Variants in IQGAP2 observed in about 807,000 individuals in gnomAD.
IQGAP2 encodes the protein ras GTPase-activating-like protein IQGAP2.
IQGAP2 carries 173 observed loss-of-function variants against 201.3 expected under a neutral mutation model. That is an observed-to-expected ratio of 0.86 (90% CI 0.76 to 0.98). The LOEUF is 0.98. IQGAP2 is among the 50% of genes least tolerant of loss of function. The probability of loss-of-function intolerance (pLI) is 0.00; values close to 1 mark genes in which losing one functional copy is unlikely to be tolerated. For missense variants in IQGAP2, 1,687 were observed against 1,864.8 expected (o/e 0.90, Z 1.76); for synonymous variants, 675 against 673.9 (o/e 1.00, Z -0.03).
At chr5:76,407,547 CT>C (rs1750864929) in intron 1 of IQGAP2, among the ~76,000 whole-genome samples, 1 of 152,234 alleles carries the variant, frequency 6.6e-6, no homozygotes, top group South Asian at 2.1e-4. Flanking sequence ...TCTTGAGATA[CT>C]GTCTTCAGTA....
intron 26 of IQGAP2, 44 bp downstream of exon 26, chr5:76,674,080 A>G (rs757272122): frequency 1.9e-6 from 2 of 1,044,090 alleles, no homozygotes; most frequent in East Asian, 2.4e-5. Flanking sequence ...TCCTGGGGGT[A>G]TGAATCAAAA....
chr5:76,436,864 T>C lies in IQGAP2; in HGVS notation c.47-24706T>C, dbSNP rs1752737408. 2.0e-5 allele frequency among the ~76,000 whole-genome samples: 3 copies of C among 151,874 alleles called. No homozygotes were observed. The South Asian group carries it at 6.2e-4, about 32-fold the overall frequency. The stretch of plus-strand genomic sequence containing the variant: ...TTTGTATTTAATTCTGTTTATGTGA[T>C]GTATTGACTTATGTATGTTAAACAT... On this transcript the variant is annotated intron_variant, in intron 1 of 35. Coordinates refer to ENST00000274364, the MANE Select transcript of IQGAP2 (RefSeq NM_006633.5).
chr5:76,661,441 A>G (rs1421310227), intron 21 of IQGAP2, among the ~76,000 whole-genome samples: 1 of 152,230 alleles, frequency 6.6e-6, no homozygotes, highest in African/African-American at 2.4e-5. Flanking sequence ...ACTGAAGCTA[A>G]TCTAAAACTA....
At chr5:76,595,915 T>A (rs1747003985) in intron 9 of IQGAP2, among the ~76,000 whole-genome samples, 1 of 152,186 alleles carries the variant, frequency 6.6e-6, no homozygotes, top group African/African-American at 2.4e-5. Flanking sequence ...GAGATACAGC[T>A]GAAAGGCCTT....
intron 1 of IQGAP2, among the ~76,000 whole-genome samples, chr5:76,455,883 A>C (rs184236638): frequency 8.5e-5 from 13 of 152,224 alleles, no homozygotes; most frequent in Non-Finnish European, 1.5e-4. Context: ...AGTCGCTTAC[A>C]GCCTTGTCTA....
At chr5:76,485,680 G>GT (rs1355265299) in intron 2 of IQGAP2, among the ~76,000 whole-genome samples, 2 of 152,162 alleles carry the variant, frequency 1.3e-5, no homozygotes, top group African/African-American at 4.8e-5. Flanking sequence ...CCAGAGTTGG[G>GT]TGTCAGAGCT....
chr5:76,590,938 A>G (rs1289274090), intron 8 of IQGAP2, among the ~76,000 whole-genome samples: 1 of 152,038 alleles, frequency 6.6e-6, no homozygotes, highest in East Asian at 1.9e-4. Flanking sequence ...ATAAAAATAA[A>G]AATAAAAAAT....
chr5:76,407,181 A>G (rs751819743), intron 1 of IQGAP2, among the ~76,000 whole-genome samples: 1 of 151,912 alleles, frequency 6.6e-6, no homozygotes, highest in African/African-American at 2.4e-5. Context: ...GGTTTTCACC[A>G]TGTTGCCCAG....
At chr5:76,706,172 T>A (rs1747873854) in intron 35 of IQGAP2, among the ~76,000 whole-genome samples, 2 of 152,208 alleles carry the variant, frequency 1.3e-5, no homozygotes, top group South Asian at 4.1e-4. Context: ...TACATGCTTC[T>A]GCTATTGTAC....
intron 5 of IQGAP2, among the ~76,000 whole-genome samples, chr5:76,577,992 T>C (rs1055194154): frequency 5.9e-5 from 9 of 152,310 alleles, no homozygotes; most frequent in African/African-American, 1.7e-4. Context: ...CCCCAGCCTG[T>C]GGGCCTGACT....
rs555356994 is a variant in IQGAP2 at position 76,415,178 on chromosome 5, T to G, written c.46+11587T>G. Among the ~76,000 whole-genome samples, 7 of 152,248 alleles carry G rather than the reference T, an allele frequency of 4.6e-5. No homozygotes were observed. In the East Asian group the frequency reaches 1.3e-3, roughly 29 times the overall value. On this transcript the variant is annotated intron_variant, in intron 1 of 35. Transcript: ENST00000274364. ...TATGCCGTATTACCCTTTGAAAAAA[T>G]AAAGCAAATGTGTGTTTTGGAAAAA...
chr5:76,415,838 C>T (rs944308728), intron 1 of IQGAP2, among the ~76,000 whole-genome samples: 7 of 151,590 alleles, frequency 4.6e-5, no homozygotes, highest in Admixed American at 2.0e-4. Context: ...CCAGCTACTC[C>T]GGAGGCTTAG....
intron 21 of IQGAP2, among the ~76,000 whole-genome samples, chr5:76,663,444 G>C (rs925291379): frequency 1.3e-5 from 2 of 148,650 alleles, no homozygotes; most frequent in African/African-American, 4.9e-5. Flanking sequence ...TAAGTGGCAG[G>C]GGAGGTGTTC....
chr5:76,553,405 G>A (rs1456856143), intron 2 of IQGAP2, among the ~76,000 whole-genome samples: 1 of 152,160 alleles, frequency 6.6e-6, no homozygotes, highest in Non-Finnish European at 1.5e-5. Context: ...ACATTTTTCT[G>A]TTCTTGGCCA....
At chr5:76,611,519 G>A (rs1371870121) in intron 13 of IQGAP2, among the ~76,000 whole-genome samples, 9 of 152,148 alleles carry the variant, frequency 5.9e-5, no homozygotes, top group Non-Finnish European at 1.2e-4. Context: ...GGGATACAGA[G>A]GGACACATAA....
intron 2 of IQGAP2, among the ~76,000 whole-genome samples, chr5:76,527,693 A>C (rs1759051252): frequency 6.6e-6 from 1 of 152,240 alleles, no homozygotes; most frequent in South Asian, 2.1e-4. Flanking sequence ...GTGATCATTT[A>C]TAGTGACTAA....
At chr5:76,438,651 C>G (rs986865848) in intron 1 of IQGAP2, among the ~76,000 whole-genome samples, 2 of 152,034 alleles carry the variant, frequency 1.3e-5, no homozygotes, top group African/African-American at 4.8e-5. Context: ...CCATGTTGGC[C>G]AGGATGGTCT....
At chr5:76,474,799 G>A (rs1435941082) in intron 2 of IQGAP2, among the ~76,000 whole-genome samples, 5 of 152,100 alleles carry the variant, frequency 3.3e-5, no homozygotes, top group African/African-American at 7.2e-5. Context: ...GACAACCTCC[G>A]CCTCCCAGGT....
intron 31 of IQGAP2, chr5:76,694,017 C>T (rs1746504890): frequency 1.3e-5 from 2 of 152,066 alleles, no homozygotes; most frequent in South Asian, 2.1e-4. Context: ...CAATAATTGC[C>T]GCTCCCTAAA....
Sources: allele counts gnomAD v4.1 joint callset (sites outside exome capture counted in the v4.1 genomes callset), GRCh38; gene constraint gnomAD v4.1.1; transcripts MANE v1.5; gene names NCBI Gene and HGNC (gene_info 2026-07-23, HGNC 2026-07-21).